Variants in TRIM37 observed in about 807,000 individuals in gnomAD.
TRIM37 encodes the protein E3 ubiquitin-protein ligase TRIM37.
Under a neutral mutation model 129.8 loss-of-function variants are expected in TRIM37, and 80 were observed. The observed-to-expected ratio is 0.62, with a 90% CI of 0.51 to 0.74. The LOEUF (loss-of-function observed/expected upper bound fraction) is 0.74. TRIM37 is among the 30% of genes least tolerant of loss of function. TRIM37 has a pLI of 0.00. For synonymous variants in TRIM37, 389 were observed against 387.1 expected (o/e 1.00, Z -0.06); for missense variants, 1,054 against 1,176.5 (o/e 0.90, Z 1.52).
intron 22 of TRIM37, among the ~76,000 whole-genome samples, chr17:59,006,948 C>T (rs1326245967): frequency 4.0e-5 from 6 of 151,848 alleles, no homozygotes; most frequent in African/African-American, 1.5e-4. Flanking sequence ...TTGACAGTGG[C>T]TGACGAGATA....
chr17:59,003,854 G>A (rs1394295759), intron 22 of TRIM37, among the ~76,000 whole-genome samples: 2 of 150,984 alleles, frequency 1.3e-5, no homozygotes, highest in Non-Finnish European at 2.9e-5. Flanking sequence ...GAAAGGCTGA[G>A]GCAGGAGGAT....
intron 24 of TRIM37, chr17:58,983,698 T>TTCA (rs1393794979): frequency 2.6e-5 from 4 of 152,680 alleles, no homozygotes; most frequent in African/African-American, 9.6e-5. Flanking sequence ...TGTATTTTTA[T>TTCA]TCATTGTGTA....
chr17:59,043,427 A>G (rs1371095018), intron 16 of TRIM37, among the ~76,000 whole-genome samples: 1 of 152,196 alleles, frequency 6.6e-6, no homozygotes, highest in Non-Finnish European at 1.5e-5. Flanking sequence ...GCAGTATTTG[A>G]ACCAAGATCA....
At position 59,106,717 on chromosome 17, in the gene TRIM37, C is replaced by G. The variant is rs1403823179; in HGVS notation, c.-256G>C. On this transcript the variant is annotated 5_prime_UTR_variant, in exon 1 of 24. Coordinates refer to ENST00000262294, the MANE Select transcript of TRIM37 (RefSeq NM_015294.6). The stretch of plus-strand genomic sequence containing the variant: ...AACGGTGGCCGCAGCTCCTTTCTCC[C>G]GGCTCAGCCGCCGGCCAGCAGCCGC... The G allele has an allele frequency of 3.5e-6, 2 of 578,086 alleles. No individual in the cohort carries two copies. Among genetic ancestry groups the G allele is most frequent in the Admixed American group, 6.1e-5 (2 of 32,712 alleles). 35.8% of individuals were successfully genotyped at this position (578,086 alleles called of 1,614,324 possible).
intron 4 of TRIM37, chr17:59,088,049 CTG>C: frequency 1.7e-6 from 1 of 596,872 alleles, no homozygotes; most frequent in Non-Finnish European, 3.0e-6. Context: ...AAAGTACTTT[CTG>C]TGTGGGGGGA....
intron 2 of TRIM37, among the ~76,000 whole-genome samples, chr17:59,100,803 A>T (rs568017354): frequency 6.6e-6 from 1 of 152,160 alleles, no homozygotes; most frequent in Non-Finnish European, 1.5e-5. Flanking sequence ...TGGGTGGATC[A>T]CCTGAGGTCA....
chr17:58,984,816 T>C (rs1215728650), intron 24 of TRIM37: 1 of 152,374 alleles, frequency 6.6e-6, no homozygotes, highest in African/African-American at 2.4e-5. Context: ...TTAGAAAACA[T>C]GAAATAGGGA....
At chr17:58,997,970 T>C (rs2033171963), downstream of TRIM37, among the ~76,000 whole-genome samples, 1 of 152,216 alleles carries the variant, frequency 6.6e-6, no homozygotes, top group Admixed American at 6.5e-5. Flanking sequence ...ACTACTTTCC[T>C]GTCCTAAAAG....
chr17:59,051,553 A>G (rs953578070), intron 13 of TRIM37, among the ~76,000 whole-genome samples: 1 of 152,180 alleles, frequency 6.6e-6, no homozygotes, highest in African/African-American at 2.4e-5. Context: ...AACATTGTAC[A>G]TTGTAGTTAA....
chr17:59,086,070 A>G (rs2043725727), intron 4 of TRIM37, among the ~76,000 whole-genome samples: 1 of 152,168 alleles, frequency 6.6e-6, no homozygotes, highest in South Asian at 2.1e-4. Context: ...GTACAGTTTC[A>G]GATTTGCAAG....
intron 23 of TRIM37, among the ~76,000 whole-genome samples, chr17:58,999,995 G>A (rs765152101): frequency 6.6e-5 from 10 of 152,090 alleles, no homozygotes; most frequent in Non-Finnish European, 1.2e-4. Flanking sequence ...CAGAGCACCA[G>A]GAAAATATGC....
chr17:59,106,708 C>T lies in TRIM37; in HGVS notation c.-247G>A, dbSNP rs2046035875. 2 of 586,428 alleles carry T rather than the reference C, an allele frequency of 3.4e-6. No homozygotes were observed. Among genetic ancestry groups the T allele is most frequent in the Admixed American group, 6.0e-5 (2 of 33,200 alleles). The allele number at this position is 586,428 out of a possible 1,614,324, so 36.3% of individuals were successfully genotyped here. A position where few individuals can be genotyped will look rare whatever the true frequency, so the allele number is the denominator to read the frequency against. ...AGTAGGGCGAACGGTGGCCGCAGCT[C>T]CTTTCTCCCGGCTCAGCCGCCGGCC... On this transcript the variant is annotated 5_prime_UTR_variant, in exon 1 of 24. Transcript: ENST00000262294.
At chr17:59,056,467 C>T (rs2040878133) in intron 13 of TRIM37, among the ~76,000 whole-genome samples, 1 of 152,082 alleles carries the variant, frequency 6.6e-6, no homozygotes, top group South Asian at 2.1e-4. Flanking sequence ...CGGTGGCTCA[C>T]GCCTGTAATC....
chr17:59,032,105 T>C lies in TRIM37; in HGVS notation c.1754-15A>G, dbSNP rs776065822. 3.1e-6 allele frequency: 5 copies of C among 1,611,622 alleles called. No individual in the cohort carries two copies. Among genetic ancestry groups the C allele is most frequent in the Admixed American group, 1.7e-5 (1 of 60,018 alleles). ...ATGGCTACTACCTGCAAAAGAGGCGTAGAAAATGATATATATATGCACAAA... is the reference window on the plus strand; with the variant it reads ...ATGGCTACTACCTGCAAAAGAGGCGCAGAAAATGATATATATATGCACAAA... On this transcript the variant is annotated splice_polypyrimidine_tract_variant and intron_variant, in intron 17 of 23. Transcript: ENST00000262294.
At chr17:59,081,545 A>T (rs1295643923) in intron 5 of TRIM37, among the ~76,000 whole-genome samples, 1 of 152,162 alleles carries the variant, frequency 6.6e-6, no homozygotes, top group East Asian at 1.9e-4. Flanking sequence ...TCTAAGGCAA[A>T]CTAGTCTTCT....
chr17:59,020,086 C>T (rs1051314161), intron 19 of TRIM37, among the ~76,000 whole-genome samples: 1 of 151,574 alleles, frequency 6.6e-6, no homozygotes, highest in African/African-American at 2.4e-5. Context: ...CAAAAATTAG[C>T]CCGGTGTGGT....
At chr17:59,022,085 T>C (rs372236499) in intron 19 of TRIM37, among the ~76,000 whole-genome samples, 1 of 152,124 alleles carries the variant, frequency 6.6e-6, no homozygotes, top group African/African-American at 2.4e-5. Flanking sequence ...AATAATTTTA[T>C]AGCATAGAAA....
intron 17 of TRIM37, among the ~76,000 whole-genome samples, chr17:59,040,975 A>T (rs1282864579): frequency 6.6e-6 from 1 of 151,866 alleles, no homozygotes. Context: ...GAACCCGGGA[A>T]GCGGAGCTTG....
intron 24 of TRIM37, among the ~76,000 whole-genome samples, chr17:58,985,524 C>A (rs930688040): frequency 1.3e-5 from 2 of 152,174 alleles, no homozygotes; most frequent in Admixed American, 6.5e-5. Context: ...CAAGCTTTCC[C>A]CTTTCGCTTA....
Sources: allele counts gnomAD v4.1 joint callset (sites outside exome capture counted in the v4.1 genomes callset), GRCh38; gene constraint gnomAD v4.1.1; transcripts MANE v1.5; gene names NCBI Gene and HGNC (gene_info 2026-07-23, HGNC 2026-07-21).